Variants in LRRC7 observed in about 807,000 individuals in gnomAD.
The protein encoded by LRRC7 is leucine-rich repeat-containing protein 7.
Under a neutral mutation model 175.7 loss-of-function variants are expected in LRRC7, and 23 were observed. The ratio of observed to expected loss-of-function variants is 0.13; its 90% CI spans 0.09 to 0.19. LRRC7 has a LOEUF of 0.19. Among genes scored for constraint, LRRC7 ranks in the 10% least tolerant of loss-of-function variants. The pLI, the probability that LRRC7 is intolerant of heterozygous loss-of-function variation, is 1.00. For synonymous variants in LRRC7, 685 were observed against 680.9 expected (o/e 1.01, Z -0.09); for missense variants, 1,354 against 1,904.7 (o/e 0.71, Z 5.38).
At chr1:69,817,684 A>T (rs1346067212) in intron 4 of LRRC7, among the ~76,000 whole-genome samples, 1 of 152,084 alleles carries the variant, frequency 6.6e-6, no homozygotes, top group Non-Finnish European at 1.5e-5. Context: ...TGGGATTTTG[A>T]TAGGAATTGC....
At chr1:69,946,709 A>G (rs1436694069) in intron 8 of LRRC7, among the ~76,000 whole-genome samples, 7 of 148,718 alleles carry the variant, frequency 4.7e-5, no homozygotes, top group Admixed American at 4.7e-4. Context: ...AAATATTACC[A>G]GTCTTGATGT....
At chr1:69,644,290 C>G (rs534678355) in intron 1 of LRRC7, among the ~76,000 whole-genome samples, 56 of 152,048 alleles carry the variant, frequency 3.7e-4, no homozygotes, top group African/African-American at 1.3e-3. Context: ...TTTTGTATTT[C>G]TCTCTTTTTT....
chr1:69,786,219 A>G (rs1408135652), intron 3 of LRRC7, among the ~76,000 whole-genome samples: 2 of 152,170 alleles, frequency 1.3e-5, no homozygotes, highest in African/African-American at 4.8e-5. Context: ...AGGACCACTT[A>G]TAACTCTCAA....
At chr1:69,914,182 G>C (rs879527835) in intron 7 of LRRC7, among the ~76,000 whole-genome samples, 1 of 152,162 alleles carries the variant, frequency 6.6e-6, no homozygotes, top group South Asian at 2.1e-4. Flanking sequence ...ATAAGTCCAT[G>C]CCAAAAATTT....
At chr1:69,968,851 C>T (rs1651928698) in intron 8 of LRRC7, among the ~76,000 whole-genome samples, 1 of 151,162 alleles carries the variant, frequency 6.6e-6, no homozygotes, top group Admixed American at 6.6e-5. Context: ...CATAGTCTTG[C>T]TCTGTCTCCC....
chr1:69,700,876 C>T (rs1278105460), intron 2 of LRRC7, among the ~76,000 whole-genome samples: 1 of 152,138 alleles, frequency 6.6e-6, no homozygotes, highest in Non-Finnish European at 1.5e-5. Context: ...TCATGTTGTG[C>T]TGTATATCAA....
intron 1 of LRRC7, among the ~76,000 whole-genome samples, chr1:69,632,533 T>A (rs1229451716): frequency 6.6e-6 from 1 of 152,196 alleles, no homozygotes; most frequent in African/African-American, 2.4e-5. Flanking sequence ...CCATTTTACA[T>A]TAATTTTCCC....
intron 4 of LRRC7, among the ~76,000 whole-genome samples, chr1:69,813,664 T>C (rs1678231224): frequency 6.6e-6 from 1 of 152,162 alleles, no homozygotes; most frequent in Non-Finnish European, 1.5e-5. Flanking sequence ...TAGAATACAG[T>C]CCTTACTGTA....
chr1:69,717,612 C>T (rs78322087), intron 2 of LRRC7, among the ~76,000 whole-genome samples: 14,891 of 151,314 alleles, frequency 0.098, 793 homozygotes, highest in East Asian at 0.13. Context: ...CAAGCACCTT[C>T]AAAATTCAAA....
chr1:69,734,170 G>C (rs192394746), intron 2 of LRRC7, among the ~76,000 whole-genome samples: 72 of 151,724 alleles, frequency 4.7e-4, no homozygotes, highest in African/African-American at 1.7e-3. Flanking sequence ...AGACATTACA[G>C]AAAAATTAAA....
At chr1:69,682,064 C>T (rs546091546) in intron 2 of LRRC7, among the ~76,000 whole-genome samples, 89 of 152,120 alleles carry the variant, frequency 5.9e-4, no homozygotes, top group African/African-American at 1.8e-3. Context: ...AATTTGTTTC[C>T]TTGTGGTGGT....
intron 2 of LRRC7, among the ~76,000 whole-genome samples, chr1:69,723,944 A>T (rs951188719): frequency 1.3e-5 from 2 of 152,166 alleles, no homozygotes; most frequent in African/African-American, 4.8e-5. Flanking sequence ...TTGGAGGTTA[A>T]AATTTCAACA....
At chr1:69,783,794 G>C (rs1277040469) in intron 3 of LRRC7, among the ~76,000 whole-genome samples, 1 of 150,016 alleles carries the variant, frequency 6.7e-6, no homozygotes, top group African/African-American at 2.4e-5. Context: ...GGAATAACTG[G>C]TCATCTATAA....
intron 3 of LRRC7, among the ~76,000 whole-genome samples, chr1:69,785,630 A>G (rs926314002): frequency 1.3e-5 from 2 of 152,010 alleles, no homozygotes; most frequent in African/African-American, 2.4e-5. Flanking sequence ...TTTTGTCTCT[A>G]TCAACTAGAA....
At chr1:70,114,592 G>A (rs1665733263) in intron 26 of LRRC7, among the ~76,000 whole-genome samples, 1 of 152,192 alleles carries the variant, frequency 6.6e-6, no homozygotes, top group African/African-American at 2.4e-5. Context: ...AGAGGCTGAG[G>A]TAGGAGGATC....
chr1:69,663,265 CTGTAGTA>C (rs112277216), intron 1 of LRRC7, among the ~76,000 whole-genome samples: 19,365 of 151,924 alleles, frequency 0.13, 1,524 homozygotes, highest in South Asian at 0.18. Context: ...TTCAGATGTG[CTGTAGTA>C]TGTAATACAG....
In LRRC7 at chr1:69,642,752, G is replaced by C. The variant is rs1274360867; in HGVS notation, c.3-35629G>C. On this transcript the variant is annotated intron_variant, in intron 1 of 26. Transcript: ENST00000651989. ...ATAGACTGAAAACTTTATGAAAATTGCAAAAGTCATTGTATCAGTTGGTAT... is the reference window on the plus strand; with the variant it reads ...ATAGACTGAAAACTTTATGAAAATTCCAAAAGTCATTGTATCAGTTGGTAT... 2.0e-5 allele frequency among the ~76,000 whole-genome samples: 3 copies of C among 151,892 alleles called. 1 individual carries two copies. Among genetic ancestry groups the C allele is most frequent in the African/African-American group, 4.8e-5 (2 of 41,338 alleles).
At chr1:69,998,639 A>C (rs1159347341) in intron 11 of LRRC7, among the ~76,000 whole-genome samples, 2 of 152,116 alleles carry the variant, frequency 1.3e-5, no homozygotes, top group African/African-American at 4.8e-5. Context: ...TTTTATCCCT[A>C]CTTAACGTCA....
At chr1:69,740,639 G>A (rs1364796181) in intron 2 of LRRC7, among the ~76,000 whole-genome samples, 6 of 152,022 alleles carry the variant, frequency 3.9e-5, no homozygotes, top group Non-Finnish European at 8.8e-5. Context: ...CTCTGCGTTT[G>A]CCTTATTCGA....
Sources: gnomAD v4.1 joint callset for allele counts (sites outside exome capture counted in the v4.1 genomes callset) on GRCh38, gnomAD v4.1.1 for gene constraint, MANE v1.5 for transcripts, NCBI Gene and HGNC (gene_info 2026-07-23, HGNC 2026-07-21) for gene names.